Variants in C14orf132 observed in about 807,000 individuals in gnomAD.
C14orf132 encodes chromosome 14 open reading frame 132.
A neutral mutation model predicts 5.8 loss-of-function variants in C14orf132; 6 were observed. The observed-to-expected ratio is 1.03, with a 90% confidence interval of 0.57 to 2.04. C14orf132 has a LOEUF of 2.04. Among genes scored for constraint, C14orf132 ranks in the 30% most tolerant of loss-of-function variants. The pLI, the probability that C14orf132 is intolerant of heterozygous loss-of-function variation, is 0.00. For missense variants in C14orf132, 125 were observed against 115.8 expected (o/e 1.08, Z -0.37); for synonymous variants, 51 against 49.8 (o/e 1.02, Z -0.10).
chr14:96,042,837 C>T (rs1886730522), intron 1 of C14orf132, among the ~76,000 whole-genome samples: 1 of 152,192 alleles, frequency 6.6e-6, no homozygotes, highest in Non-Finnish European at 1.5e-5. Context: ...AGCCCCACTC[C>T]ACACAGTGCC....
intron 1 of C14orf132, among the ~76,000 whole-genome samples, chr14:96,046,251 G>A (rs1007380312): frequency 2.0e-5 from 3 of 152,224 alleles, no homozygotes; most frequent in African/African-American, 7.2e-5. Context: ...TAGTGTGTGT[G>A]TCTAGGAGCA....
At chr14:96,051,063 C>T in intron 1 of C14orf132, 1 of 397,968 alleles carries the variant, frequency 2.5e-6, no homozygotes, top group Admixed American at 4.4e-5. Flanking sequence ...GCCAGCATTT[C>T]TCTTTCTCCC....
At chr14:96,057,345 A>C (rs984637520) in intron 1 of C14orf132, among the ~76,000 whole-genome samples, 6 of 152,250 alleles carry the variant, frequency 3.9e-5, no homozygotes, top group African/African-American at 1.4e-4. Flanking sequence ...AGCCTTCAGC[A>C]GACACCAGAG....
intron 1 of C14orf132, among the ~76,000 whole-genome samples, chr14:96,041,894 A>T (rs764654097): frequency 6.6e-6 from 1 of 152,254 alleles, no homozygotes; most frequent in Non-Finnish European, 1.5e-5. Flanking sequence ...GCTTCAAGAA[A>T]TGATGGGCCC....
chr14:96,061,212 A>G (rs912993109), intron 1 of C14orf132, among the ~76,000 whole-genome samples: 2 of 152,134 alleles, frequency 1.3e-5, no homozygotes, highest in Non-Finnish European at 2.9e-5. Flanking sequence ...TATTTTCATT[A>G]CCCACATTTA....
rs1170843755 is a variant in C14orf132, at chr14:96,087,869, G to A, written c.*1134G>A. 8 of 152,116 alleles carry A rather than the reference G, an allele frequency of 5.3e-5. No individual in the cohort carries two copies. Among genetic ancestry groups the A allele is most frequent in the Admixed American group, 5.2e-4 (8 of 15,282 alleles). 9.4% of individuals were successfully genotyped at this position (152,116 alleles called of 1,614,324 possible). A position where few individuals can be genotyped will look rare whatever the true frequency, so the allele number is the denominator to read the frequency against. On this transcript the variant is annotated 3_prime_UTR_variant, in exon 2 of 2. Transcript: ENST00000555004. The stretch of plus-strand genomic sequence containing the variant: ...CAGCATCTGGGGTCCTGGCAAGCAA[G>A]GAAGCTTCCAAGTAAAAACCAGAGA...
intron 1 of C14orf132, 141 bp from the exon 2 acceptor site, chr14:96,086,370 C>T: frequency 1.4e-6 from 1 of 724,414 alleles, no homozygotes; most frequent in South Asian, 1.9e-5. Flanking sequence ...GATAAAACCA[C>T]AAAAGCAAAG....
chr14:96,086,562 A>G lies in C14orf132; in HGVS notation c.79A>G (p.Thr27Ala). The G allele has an allele frequency of 2.6e-6, 4 of 1,536,092 alleles. No homozygotes were observed. Among genetic ancestry groups the G allele is most frequent in the Non-Finnish European group, 3.5e-6 (4 of 1,146,898 alleles). Residue 27 changes from threonine to alanine, a missense_variant, in exon 2 of 2, where the codon ACC (threonine) becomes GCC (alanine). By Grantham distance (58) the Thr-to-Ala change is moderately conservative (BLOSUM62 0). Coordinates refer to ENST00000555004, the MANE Select transcript of C14orf132 (RefSeq NM_001252507.3). ...FMDSPNEDFSTEYSLFNSSAN... is the reference protein window; with the variant it reads ...FMDSPNEDFSAEYSLFNSSAN... Reference sequence around the variant, plus strand: ...GGACTCGCCCAACGAGGACTTCAGCACCGAGTACTCCCTGTTTAACTCCTC... The same window carrying G: ...GGACTCGCCCAACGAGGACTTCAGCGCCGAGTACTCCCTGTTTAACTCCTC...
At chr14:96,082,429 G>A (rs1888055132) in intron 1 of C14orf132, among the ~76,000 whole-genome samples, 1 of 152,040 alleles carries the variant, frequency 6.6e-6, no homozygotes, top group Non-Finnish European at 1.5e-5. Flanking sequence ...TTTTGTTTTT[G>A]AGTCATGGAA....
intron 1 of C14orf132, among the ~76,000 whole-genome samples, chr14:96,047,361 AGT>A: frequency 6.6e-6 from 1 of 152,322 alleles, no homozygotes; most frequent in East Asian, 1.9e-4. Flanking sequence ...GTGGATGGCC[AGT>A]CTCCAATGAA....
chr14:96,050,980 G>A (rs1224017650), intron 1 of C14orf132: 2 of 392,618 alleles, frequency 5.1e-6, no homozygotes, highest in Non-Finnish European at 9.0e-6. Context: ...CCCGTTGTGG[G>A]AAAAGGAATG....
At chr14:96,049,874 A>C (rs1403257655) in intron 1 of C14orf132, among the ~76,000 whole-genome samples, 1 of 151,220 alleles carries the variant, frequency 6.6e-6, no homozygotes. Context: ...TGCTATTAAT[A>C]ATAGCCCCAC....
chr14:96,057,600 A>T (rs768814077), intron 1 of C14orf132, among the ~76,000 whole-genome samples: 5 of 152,148 alleles, frequency 3.3e-5, no homozygotes, highest in Non-Finnish European at 7.3e-5. Context: ...CACAGGGTGA[A>T]CCGGCCCAGC....
chr14:96,081,430 G>A (rs914131273), intron 1 of C14orf132, among the ~76,000 whole-genome samples: 4 of 152,236 alleles, frequency 2.6e-5, no homozygotes, highest in Admixed American at 6.5e-5. Flanking sequence ...ATCTCATCAC[G>A]CCCTCAGGAT....
intron 1 of C14orf132, among the ~76,000 whole-genome samples, chr14:96,074,731 G>T (rs181763622): frequency 3.2e-4 from 49 of 152,116 alleles, no homozygotes; most frequent in African/African-American, 1.1e-3. Context: ...AAATTAATTG[G>T]CCATATTATG....
In C14orf132 at chr14:96,039,896, C is replaced by T. The variant is rs1048712366; in HGVS notation, c.27+369C>T. Among the ~76,000 whole-genome samples the T allele has an allele frequency of 5.3e-5, 8 of 152,118 alleles. No individual in the cohort carries two copies. Among genetic ancestry groups the T allele is most frequent in the Non-Finnish European group, 1.2e-4 (8 of 68,006 alleles). On this transcript the variant is annotated intron_variant, in intron 1 of 1. Transcript: ENST00000555004. This position sits in a 1 kb window ranked among gnomAD's most constrained non-coding sequence, Gnocchi z 5.3. ...CCAAGGCCGGGCCAGCTCAGACCCG[C>T]GCGAACGTGGATGGGCACACAGTCT...
intron 1 of C14orf132, among the ~76,000 whole-genome samples, chr14:96,069,399 C>T (rs181195951): frequency 1.7e-3 from 254 of 150,748 alleles, no homozygotes; most frequent in Middle Eastern, 6.9e-3. Context: ...CAAAGTATAC[C>T]GTGATACTCA....
chr14:96,052,531 A>G (rs2060706182), intron 1 of C14orf132, among the ~76,000 whole-genome samples: 1 of 152,244 alleles, frequency 6.6e-6, no homozygotes, highest in African/African-American at 2.4e-5. Flanking sequence ...CAGGGCTAGA[A>G]CCAGTAAATA....
chr14:96,055,444 C>G lies in C14orf132; in HGVS notation c.27+15917C>G, dbSNP rs149184633. ...CACATCTTGAAAAGATAGTCCAGAA[C>G]AGAGACTATCAAATCCTCTATTCAA... On this transcript the variant is annotated intron_variant, in intron 1 of 1. Transcript: ENST00000555004. 4.6e-5 allele frequency among the ~76,000 whole-genome samples: 7 copies of G among 152,300 alleles called. No individual in the cohort carries two copies. The East Asian group carries it at 1.3e-3, about 29-fold the overall frequency.
Sources: gnomAD v4.1 joint callset for allele counts (sites outside exome capture counted in the v4.1 genomes callset) on GRCh38, gnomAD v4.1.1 for gene constraint, Gnocchi (gnomAD v3.1) non-coding constraint, MANE v1.5 for transcripts, NCBI Gene and HGNC (gene_info 2026-07-23, HGNC 2026-07-21) for gene names.